The following TIAM1 variants were observed in gnomAD, a reference collection of about 807,000 sequenced individuals.
TIAM1 encodes rho guanine nucleotide exchange factor TIAM1.
In TIAM1, 65 loss-of-function variants were observed where a neutral mutation model predicts 163.5. The ratio of observed to expected loss-of-function variants is 0.40; its 90% confidence interval spans 0.33 to 0.49. The LOEUF is 0.49. Ranked by LOEUF, TIAM1 falls within the 20% of genes least tolerant of loss-of-function variation. The pLI, the probability that TIAM1 is intolerant of heterozygous loss-of-function variation, is 0.77. For synonymous variants in TIAM1, 833 were observed against 810.1 expected, an observed-to-expected ratio of 1.03 and a Z score of -0.48; for missense variants, 1,789 against 2,044.7, an observed-to-expected ratio of 0.87 and a Z score of 2.41.
intron 1 of TIAM1, among the ~76,000 whole-genome samples, chr21:31,512,791 T>TTTTG (rs147701138): frequency 0.14 from 21,579 of 150,932 alleles, 1,971 homozygotes; most frequent in Non-Finnish European, 0.2. Context: ...TTAGGTGTTT[T>TTTTG]TTTGTTTGTT....
chr21:31,341,101 A>G (rs1354225614), intron 1 of TIAM1, among the ~76,000 whole-genome samples: 1 of 152,190 alleles, frequency 6.6e-6, no homozygotes, highest in Non-Finnish European at 1.5e-5. Flanking sequence ...AAAGGGTAGG[A>G]GGCAGAAAAT....
In TIAM1 at chr21:31,227,738, T is replaced by G. The variant is rs190165524; in HGVS notation, c.1585-1788A>C. On this transcript the variant is annotated intron_variant, in intron 6 of 27. Coordinates refer to ENST00000541036, the MANE Select transcript of TIAM1 (RefSeq NM_001353694.2). Reference sequence around the variant, plus strand: ...TGTCTCCTCTTTGCAGGTCATTATCTTATAGTTTGTCCTTACATATCATCC... The same window carrying G: ...TGTCTCCTCTTTGCAGGTCATTATCGTATAGTTTGTCCTTACATATCATCC... 2.0e-3 allele frequency among the ~76,000 whole-genome samples: 301 copies of G among 152,314 alleles called. 2 individuals are homozygous for G. Among genetic ancestry groups the G allele is most frequent in the Non-Finnish European group, 3.7e-3 (253 of 68,026 alleles).
intron 1 of TIAM1, among the ~76,000 whole-genome samples, chr21:31,464,704 GTGGGGGCAT>G: frequency 6.6e-6 from 1 of 152,136 alleles, no homozygotes; most frequent in East Asian, 1.9e-4. Context: ...TTAGCCAGGC[GTGGGGGCAT>G]GCACCTGTAA....
intron 2 of TIAM1, among the ~76,000 whole-genome samples, chr21:31,451,194 G>A (rs951155710): frequency 3.9e-5 from 6 of 152,166 alleles, no homozygotes; most frequent in Non-Finnish European, 4.4e-5. Flanking sequence ...CAGGCCCAGA[G>A]CCACAGGTGC....
intron 2 of TIAM1, among the ~76,000 whole-genome samples, chr21:31,336,927 TC>T (rs2147082901): frequency 6.6e-6 from 1 of 152,222 alleles, no homozygotes; most frequent in African/African-American, 2.4e-5. Flanking sequence ...GGCCACTCGT[TC>T]AGCTAACATT....
chr21:31,288,407 A>G (rs546485344), intron 2 of TIAM1, among the ~76,000 whole-genome samples: 1 of 152,266 alleles, frequency 6.6e-6, no homozygotes, highest in Non-Finnish European at 1.5e-5. Flanking sequence ...TCAGCATCTG[A>G]TGAGGGCCTG....
At chr21:31,221,437 C>T (rs2087554024) in intron 8 of TIAM1, among the ~76,000 whole-genome samples, 1 of 152,202 alleles carries the variant, frequency 6.6e-6, no homozygotes, top group African/African-American at 2.4e-5. Flanking sequence ...ACTCTCCCAT[C>T]CCCATCTTCA....
chr21:31,332,604 CT>C lies in TIAM1; in HGVS notation c.-189+6638del, dbSNP rs376901132. On this transcript the variant is annotated intron_variant, in intron 2 of 27. Transcript: ENST00000541036. ...CCCTCACTCACCTCACTCAAAAAAA[CT>C]TTTTTTTTTTTCACCAAAAGAGAAA... Among the ~76,000 whole-genome samples, 460 of 145,882 alleles carry C rather than the reference CT, an allele frequency of 3.2e-3. 5 individuals are homozygous for C. The highest frequency in any genetic ancestry group is 0.031 in the South Asian group (143 of 4,558).
chr21:31,511,137 G>C (rs1452981997), intron 1 of TIAM1, among the ~76,000 whole-genome samples: 1 of 152,212 alleles, frequency 6.6e-6, no homozygotes, highest in Non-Finnish European at 1.5e-5. Context: ...GGCACCCTGA[G>C]TCTGGGCTTG....
At position 31,210,734 on chromosome 21, in the gene TIAM1, AGAAG is replaced by A. The variant is rs373506736; in HGVS notation, c.2218-523_2218-520del. Among the ~76,000 whole-genome samples, 578 of 106,064 alleles carry A rather than the reference AGAAG, an allele frequency of 5.4e-3. 27 individuals are homozygous for A. The highest frequency in any genetic ancestry group is 0.022 in the East Asian group (59 of 2,688). The allele number at this position is 106,064 out of a possible 152,430, so 69.6% of individuals were successfully genotyped here. A position where few individuals can be genotyped will look rare whatever the true frequency, so the allele number is the denominator to read the frequency against. On this transcript the variant is annotated intron_variant, in intron 10 of 27. Coordinates refer to ENST00000541036, the MANE Select transcript of TIAM1 (RefSeq NM_001353694.2). ...AAGAAAGAGAAAGAAAGAAAGAGAA[AGAAG>A]GAAGGAAGGGAGAAAGAAAGAAAGA...
At chr21:31,431,936 A>G (rs2044043149) in intron 2 of TIAM1, among the ~76,000 whole-genome samples, 1 of 152,104 alleles carries the variant, frequency 6.6e-6, no homozygotes, top group Non-Finnish European at 1.5e-5. Flanking sequence ...TGTAAACAAA[A>G]TCCTTTCCCA....
intron 1 of TIAM1, among the ~76,000 whole-genome samples, chr21:31,478,811 C>G (rs2046016896): frequency 1.3e-5 from 2 of 152,128 alleles, no homozygotes; most frequent in African/African-American, 4.8e-5. Flanking sequence ...TCCAGCCCAA[C>G]ACAAATGGGG....
chr21:31,224,724 AT>A (rs1455120204), intron 7 of TIAM1, among the ~76,000 whole-genome samples: 1 of 152,178 alleles, frequency 6.6e-6, no homozygotes, highest in Non-Finnish European at 1.5e-5. Context: ...TTTTGCCTCA[AT>A]TTAAAAAAAT....
intron 10 of TIAM1, among the ~76,000 whole-genome samples, 158 bp from the exon 11 acceptor site, chr21:31,210,373 A>C (rs2086659415): frequency 6.6e-6 from 1 of 151,622 alleles, no homozygotes; most frequent in African/African-American, 2.4e-5. Context: ...AGAGAGAGAA[A>C]CTACTGAGAA....
intron 5 of TIAM1, among the ~76,000 whole-genome samples, chr21:31,246,322 T>C (rs1404840967): frequency 1.3e-5 from 2 of 152,190 alleles, no homozygotes; most frequent in African/African-American, 2.4e-5. Flanking sequence ...TCCTGGTCCA[T>C]GCATAATTGC....
intron 25 of TIAM1, among the ~76,000 whole-genome samples, chr21:31,127,859 C>A (rs556216875): frequency 3.8e-4 from 58 of 152,158 alleles, no homozygotes; most frequent in Non-Finnish European, 6.6e-4. Flanking sequence ...GACAGGTAAG[C>A]CTTTGCTGTC....
chr21:31,199,978 C>G (rs1412861819), intron 12 of TIAM1, among the ~76,000 whole-genome samples: 2 of 151,794 alleles, frequency 1.3e-5, no homozygotes, highest in African/African-American at 4.8e-5. Context: ...GCAGATGTGC[C>G]ATCTCCCTCT....
At position 31,555,955 on chromosome 21, in the gene TIAM1, G is replaced by A. The variant is rs369341851; in HGVS notation, c.-422+2972C>T. On this transcript the variant is annotated intron_variant, in intron 1 of 28. Coordinates refer to the TIAM1 transcript ENST00000286827. ...CTGCTTTTCCTTTCTGGTTTAGAGGGGGAGGGGAGAAGAGAGGAGCAAGGA... is the reference window on the plus strand; with the variant it reads ...CTGCTTTTCCTTTCTGGTTTAGAGGAGGAGGGGAGAAGAGAGGAGCAAGGA... 3.3e-5 allele frequency among the ~76,000 whole-genome samples: 5 copies of A among 152,232 alleles called. No homozygotes were observed. In the East Asian group the frequency reaches 9.7e-4, roughly 29 times the overall value.
At chr21:31,197,605 G>A (rs996830784) in intron 12 of TIAM1, among the ~76,000 whole-genome samples, 10 of 148,142 alleles carry the variant, frequency 6.8e-5, no homozygotes, top group South Asian at 2.1e-4. Context: ...TCCTGACCTC[G>A]TGATCCGCCC....
Sources: gnomAD v4.1 joint callset for allele counts (sites outside exome capture counted in the v4.1 genomes callset) on GRCh38, gnomAD v4.1.1 for gene constraint, MANE v1.5 for transcripts, NCBI Gene and HGNC (gene_info 2026-07-23, HGNC 2026-07-21) for gene names.